CHN2: variants seen among roughly 807,000 people sequenced by gnomAD.
The protein encoded by CHN2 is chimerin 2.
In CHN2, 35 loss-of-function variants were observed where a neutral mutation model predicts 56.3. The ratio of observed to expected loss-of-function variants is 0.62; its 90% confidence interval spans 0.47 to 0.82. The LOEUF is 0.82. CHN2 is among the 40% of genes least tolerant of loss of function. CHN2 has a pLI of 0.00. For missense variants in CHN2, 491 were observed against 580.5 expected, an observed-to-expected ratio of 0.85 and a Z score of 1.58; for synonymous variants, 210 against 212.8, an observed-to-expected ratio of 0.99 and a Z score of 0.12.
At chr7:29,261,054 A>G (rs1789507663) in intron 1 of CHN2, among the ~76,000 whole-genome samples, 1 of 152,222 alleles carries the variant, frequency 6.6e-6, no homozygotes, top group African/African-American at 2.4e-5. Context: ...TGAAGGTGAT[A>G]ATGATACCCC....
intron 7 of CHN2, among the ~76,000 whole-genome samples, chr7:29,482,230 G>A (rs1787327728): frequency 6.6e-6 from 1 of 152,198 alleles, no homozygotes; most frequent in Non-Finnish European, 1.5e-5. Flanking sequence ...ACACAAGCCA[G>A]ACAGGAGCGT....
intron 6 of CHN2, chr7:29,445,305 CAT>C: frequency 3.3e-6 from 1 of 299,858 alleles, no homozygotes; most frequent in Non-Finnish European, 6.7e-6. Flanking sequence ...ATCCCAAACT[CAT>C]GTCTCCTGTT....
chr7:29,210,955 T>C (rs1351998386), intron 1 of CHN2, among the ~76,000 whole-genome samples: 3 of 152,140 alleles, frequency 2.0e-5, no homozygotes, highest in East Asian at 1.9e-4. Context: ...AGGCGGATCA[T>C]GGAGGGCCTC....
chr7:29,488,697 CT>C (rs1260736820), intron 7 of CHN2, among the ~76,000 whole-genome samples: 1 of 152,160 alleles, frequency 6.6e-6, no homozygotes, highest in Non-Finnish European at 1.5e-5. Context: ...CCACCTCCCC[CT>C]GACCCCTGGG....
chr7:29,319,490 A>G (rs1373346491), intron 1 of CHN2, among the ~76,000 whole-genome samples: 3 of 152,190 alleles, frequency 2.0e-5, no homozygotes, highest in African/African-American at 2.4e-5. Flanking sequence ...GGAGCCAGGC[A>G]TGGTGCATGG....
At chr7:29,499,586 T>C (rs919663957) in intron 8 of CHN2, among the ~76,000 whole-genome samples, 1 of 151,886 alleles carries the variant, frequency 6.6e-6, no homozygotes, top group Non-Finnish European at 1.5e-5. Flanking sequence ...GGAAAACATA[T>C]ACAAAAAAAC....
intron 2 of CHN2, among the ~76,000 whole-genome samples, chr7:29,187,340 TG>T (rs1439917377): frequency 2.0e-5 from 3 of 150,036 alleles, no homozygotes; most frequent in Non-Finnish European, 4.5e-5. Flanking sequence ...TGTGTGTTTG[TG>T]TGTCTGTGTG....
intron 1 of CHN2, among the ~76,000 whole-genome samples, chr7:29,201,959 T>C (rs1292590656): frequency 6.6e-6 from 1 of 152,192 alleles, no homozygotes; most frequent in Admixed American, 6.5e-5. Flanking sequence ...GAGGATGATA[T>C]TGGGGAGGGT....
At chr7:29,424,027 T>A (rs964415396) in intron 6 of CHN2, among the ~76,000 whole-genome samples, 1 of 152,152 alleles carries the variant, frequency 6.6e-6, no homozygotes, top group Non-Finnish European at 1.5e-5. Context: ...GTTGCCTAAT[T>A]TGCCACTATA....
intron 1 of CHN2, chr7:29,334,444 T>G (rs1796460167): frequency 6.6e-6 from 1 of 152,220 alleles, no homozygotes; most frequent in East Asian, 1.9e-4. Flanking sequence ...AGAAACATTC[T>G]TAATGTAATT....
intron 6 of CHN2, among the ~76,000 whole-genome samples, chr7:29,429,201 C>G (rs1229749710): frequency 6.6e-6 from 1 of 152,192 alleles, no homozygotes; most frequent in Non-Finnish European, 1.5e-5. Flanking sequence ...TTCATATACT[C>G]AGACCACTTC....
intron 1 of CHN2, chr7:29,213,257 T>C (rs1785091708): frequency 2.1e-6 from 2 of 947,644 alleles, no homozygotes; most frequent in African/African-American, 1.6e-5. Flanking sequence ...CTCTGGGTAG[T>C]GGCTGAATCC....
chr7:29,244,154 A>G (rs556644566), intron 1 of CHN2, among the ~76,000 whole-genome samples: 2 of 152,092 alleles, frequency 1.3e-5, no homozygotes, highest in South Asian at 2.1e-4. Context: ...ATCTTAAGTG[A>G]TGTGTTTACT....
At chr7:29,416,601 G>A (rs1370616656) in intron 6 of CHN2, among the ~76,000 whole-genome samples, 15 of 152,098 alleles carry the variant, frequency 9.9e-5, no homozygotes, top group Admixed American at 9.8e-4. Context: ...TGTGACCAGC[G>A]GCCCAGCTTC....
chr7:29,415,888 T>G (rs771273278), intron 6 of CHN2, among the ~76,000 whole-genome samples: 1 of 152,228 alleles, frequency 6.6e-6, no homozygotes, highest in Non-Finnish European at 1.5e-5. Context: ...CTTTTCCATT[T>G]TTAAATGATG....
At chr7:29,240,409 A>C (rs778386154) in intron 1 of CHN2, among the ~76,000 whole-genome samples, 1 of 152,220 alleles carries the variant, frequency 6.6e-6, no homozygotes, top group African/African-American at 2.4e-5. Context: ...AGCACATCTG[A>C]CATCTGTCTT....
chr7:29,439,550 C>T (rs1319805369), intron 6 of CHN2, among the ~76,000 whole-genome samples: 1 of 152,124 alleles, frequency 6.6e-6, no homozygotes, highest in African/African-American at 2.4e-5. Context: ...TTCAGCTGAC[C>T]ATCCTCACTC....
intron 6 of CHN2, among the ~76,000 whole-genome samples, chr7:29,420,545 T>A (rs890196375): frequency 3.9e-5 from 6 of 152,222 alleles, no homozygotes; most frequent in African/African-American, 1.4e-4. Context: ...TAAGAATCTT[T>A]GTTTATACTA....
At chr7:29,493,042 C>T (rs1008021527) in intron 7 of CHN2, among the ~76,000 whole-genome samples, 1 of 152,168 alleles carries the variant, frequency 6.6e-6, no homozygotes, top group Non-Finnish European at 1.5e-5. Context: ...CAAGAATGAA[C>T]CACATATATC....
Sources: allele counts gnomAD v4.1 joint callset (sites outside exome capture counted in the v4.1 genomes callset), GRCh38; gene constraint gnomAD v4.1.1; transcripts MANE v1.5; gene names NCBI Gene and HGNC (gene_info 2026-07-23, HGNC 2026-07-21).